The following LOC112694756 variants were observed in gnomAD, a reference collection of about 807,000 sequenced individuals.
chr16:30,057,354 A>G, the LOC112694756 span, among the ~76,000 whole-genome samples: 14 of 152,202 alleles, frequency 9.2e-5, no homozygotes, highest in Non-Finnish European at 1.9e-4. Flanking sequence ...AGTGTTACGC[A>G]GGAGAGCCTT....
At chr16:30,061,537 G>T in the LOC112694756 span, among the ~76,000 whole-genome samples, 4 of 132,832 alleles carry the variant, frequency 3.0e-5, no homozygotes, top group Non-Finnish European at 6.3e-5. Context: ...CTCTGTCTAT[G>T]CCTCCATTTC....
At chr16:30,064,130 A>G in the LOC112694756 span, 22 of 398,866 alleles carry the variant, frequency 5.5e-5, no homozygotes, top group Non-Finnish European at 8.8e-5. Context: ...GAAGTTGGGC[A>G]GGGGGGTGGC....
the LOC112694756 span, chr16:30,068,009 A>G: frequency 3.2e-6 from 1 of 311,096 alleles, no homozygotes; most frequent in Non-Finnish European, 6.1e-6. Flanking sequence ...CTAAGTGAAA[A>G]TATTTTAATT....
chr16:30,070,192 G>A, the LOC112694756 span: 58 of 1,614,086 alleles, frequency 3.6e-5, no homozygotes, highest in Non-Finnish European at 4.7e-5. Context: ...GTCCCTCTTC[G>A]TCTCTAACCA....
the LOC112694756 span, chr16:30,058,917 TGGAGAA>T: frequency 5.0e-6 from 2 of 398,428 alleles, no homozygotes; most frequent in Admixed American, 8.8e-5. Context: ...AGAAACAAGA[TGGAGAA>T]GGTCCCCAGC....
the LOC112694756 span, among the ~76,000 whole-genome samples, chr16:30,062,225 T>A: frequency 6.8e-6 from 1 of 147,404 alleles, no homozygotes; most frequent in East Asian, 2.1e-4. Context: ...AACAAATAGA[T>A]CTAATTCTTT....
chr16:30,057,828 G>A, the LOC112694756 span, among the ~76,000 whole-genome samples: 1 of 152,180 alleles, frequency 6.6e-6, no homozygotes, highest in East Asian at 1.9e-4. Context: ...CTACTGGAAA[G>A]GCTGAGGCAG....
the LOC112694756 span, chr16:30,068,666 C>T: frequency 6.2e-7 from 1 of 1,614,190 alleles, no homozygotes; most frequent in Non-Finnish European, 8.5e-7. Flanking sequence ...GCGTGGTCCC[C>T]CTGGCAGGGA....
the LOC112694756 span, among the ~76,000 whole-genome samples, chr16:30,053,888 C>G: frequency 6.6e-6 from 1 of 152,032 alleles, no homozygotes. Flanking sequence ...AAGTGCCAGG[C>G]GTGGTGGCTG....
the LOC112694756 span, chr16:30,066,867 G>A: frequency 4.5e-6 from 7 of 1,545,622 alleles, no homozygotes; most frequent in African/African-American, 1.4e-5. Context: ...AAATACTCCG[G>A]TTCGGTTTTG....
chr16:30,067,114 G>A, the LOC112694756 span: 3 of 1,573,284 alleles, frequency 1.9e-6, no homozygotes, highest in Non-Finnish European at 2.6e-6. Context: ...AGGGCCTGCT[G>A]GGTGTGGGGC....
the LOC112694756 span, among the ~76,000 whole-genome samples, chr16:30,057,031 C>T: frequency 6.6e-6 from 1 of 151,896 alleles, no homozygotes; most frequent in Non-Finnish European, 1.5e-5. Context: ...CTGCCTCAGC[C>T]TCCCAAGTAG....
chr16:30,063,601 T>A, the LOC112694756 span: 1 of 397,960 alleles, frequency 2.5e-6, no homozygotes, highest in African/African-American at 2.1e-5. Flanking sequence ...TTCCTGGGAA[T>A]GATGGACAGT....
chr16:30,056,788 A>G, the LOC112694756 span, among the ~76,000 whole-genome samples: 1 of 151,764 alleles, frequency 6.6e-6, no homozygotes, highest in Non-Finnish European at 1.5e-5. Flanking sequence ...TTTCACACAG[A>G]TGGGGTTTCA....
chr16:30,070,278 G>A, the LOC112694756 span: 11 of 1,530,312 alleles, frequency 7.2e-6, no homozygotes, highest in African/African-American at 1.4e-5. Context: ...TGAAGAGGAG[G>A]CCGCCTCCTC....
chr16:30,069,509 C>T, the LOC112694756 span: 25 of 1,614,028 alleles, frequency 1.5e-5, no homozygotes, highest in East Asian at 4.7e-4. Context: ...GTGCTGGCTG[C>T]TGTCTACAAG....
the LOC112694756 span, chr16:30,068,670 G>A: frequency 6.2e-7 from 1 of 1,614,068 alleles, no homozygotes; most frequent in African/African-American, 1.3e-5. Context: ...GGTCCCCCTG[G>A]CAGGGACAAA....
the LOC112694756 span, among the ~76,000 whole-genome samples, chr16:30,055,583 A>C: frequency 6.6e-6 from 1 of 152,280 alleles, no homozygotes; most frequent in South Asian, 2.1e-4. Context: ...CATAGCCAGC[A>C]CTTCTAAATG....
the LOC112694756 span, among the ~76,000 whole-genome samples, chr16:30,059,847 G>A: frequency 1.3e-5 from 2 of 151,866 alleles, no homozygotes; most frequent in African/African-American, 4.8e-5. Context: ...ACATACAGGC[G>A]TGAGTCGCCA....
Sources: allele counts gnomAD v4.1 joint callset (sites outside exome capture counted in the v4.1 genomes callset), GRCh38; gene constraint gnomAD v4.1.1; transcripts MANE v1.5.